ELMOD1: variants seen among roughly 807,000 people sequenced by gnomAD.
ELMOD1 encodes the protein ELMO domain-containing protein 1.
Under a neutral mutation model 46.7 loss-of-function variants are expected in ELMOD1, and 21 were observed. The observed-to-expected ratio is 0.45, with a 90% CI of 0.32 to 0.65. The LOEUF is 0.65. Ranked by LOEUF, ELMOD1 falls within the 30% of genes least tolerant of loss-of-function variation. ELMOD1 has a pLI of 0.04. For missense variants in ELMOD1, 348 were observed against 407.8 expected (o/e 0.85, Z 1.26); for synonymous variants, 122 against 138.2 (o/e 0.88, Z 0.82).
At position 107,599,740 on chromosome 11, in the gene ELMOD1, C is replaced by CAAAAAA. The variant is rs56992146; in HGVS notation, c.-86+8337_-86+8342dup. ...CAGGGCGACAGAGCGAGACCTGTCT[C>CAAAAAA]AAAAAAAAAAAGAAAAAAAGAAAAG... On this transcript the variant is annotated intron_variant, in intron 1 of 11. Coordinates refer to ENST00000265840, the MANE Select transcript of ELMOD1 (RefSeq NM_018712.4). 3.0e-4 allele frequency among the ~76,000 whole-genome samples: 27 copies of CAAAAAA among 91,212 alleles called. 1 individual carries two copies. The highest frequency in any genetic ancestry group is 7.1e-4 in the African/African-American group (16 of 22,390). The allele number at this position is 91,212 out of a possible 152,430, so 59.8% of individuals were successfully genotyped here.
chr11:107,613,313 T>C (rs746765979), intron 1 of ELMOD1, among the ~76,000 whole-genome samples: 15 of 152,196 alleles, frequency 9.9e-5, no homozygotes, highest in Non-Finnish European at 1.9e-4. Context: ...CTTAGAACAA[T>C]CCTACAAGCT....
rs561006670 is a variant in ELMOD1 at position 107,647,429 on chromosome 11, G to A, written c.421-39G>A. Reference sequence around the variant, plus strand: ...TACAAAATCTGAACCAATAGGAAAGGGTGTATCAACAGAGTAATCCTTTTT... The same window carrying A: ...TACAAAATCTGAACCAATAGGAAAGAGTGTATCAACAGAGTAATCCTTTTT... On this transcript the variant is annotated intron_variant, in intron 6 of 11. Coordinates refer to ENST00000265840, the MANE Select transcript of ELMOD1 (RefSeq NM_018712.4). The A allele has an allele frequency of 6.4e-4, 1,016 of 1,583,804 alleles. 23 individuals carry two copies. In the South Asian group the frequency reaches 0.011, roughly 18 times the overall value.
chr11:107,662,731 C>T (rs1866763976), intron 11 of ELMOD1, among the ~76,000 whole-genome samples: 1 of 151,734 alleles, frequency 6.6e-6, no homozygotes, highest in Admixed American at 6.6e-5. Flanking sequence ...TCAAGACCAA[C>T]CTGGCCAACA....
At chr11:107,658,492 G>T (rs1318752256) in intron 11 of ELMOD1, among the ~76,000 whole-genome samples, 1 of 152,096 alleles carries the variant, frequency 6.6e-6, no homozygotes, top group Admixed American at 6.5e-5. Flanking sequence ...CTATAGATTA[G>T]GTTCTATGCT....
At chr11:107,655,671 C>A (rs780708264) in intron 10 of ELMOD1, among the ~76,000 whole-genome samples, 11 of 147,064 alleles carry the variant, frequency 7.5e-5, no homozygotes, top group Non-Finnish European at 1.3e-4. Flanking sequence ...GCCCCAAGGG[C>A]TGCTGGTTGG....
chr11:107,599,715 C>T (rs1865557401), intron 1 of ELMOD1, among the ~76,000 whole-genome samples: 1 of 126,318 alleles, frequency 7.9e-6, no homozygotes, highest in African/African-American at 3.2e-5. Context: ...GCACTCCAGC[C>T]AGGGCGACAG....
At chr11:107,647,636 G>A in intron 7 of ELMOD1, 35 bp downstream of exon 7, 1 of 1,599,998 alleles carries the variant, frequency 6.3e-7, no homozygotes, top group East Asian at 2.3e-5. Context: ...GTGTTCGAGT[G>A]ATGTTTTGGT....
intron 1 of ELMOD1, among the ~76,000 whole-genome samples, chr11:107,595,418 A>T (rs1468006538): frequency 6.6e-6 from 1 of 152,100 alleles, no homozygotes; most frequent in Admixed American, 6.5e-5. Flanking sequence ...TATAATTCTG[A>T]TAGTATATGA....
chr11:107,612,573 G>A (rs1274585271), intron 1 of ELMOD1, among the ~76,000 whole-genome samples: 2 of 152,188 alleles, frequency 1.3e-5, no homozygotes, highest in African/African-American at 4.8e-5. Context: ...CTTGGGAAAT[G>A]CTGGTTTGGC....
chr11:107,654,250 T>C, intron 10 of ELMOD1, 28 bp downstream of exon 10: 12 of 1,572,394 alleles, frequency 7.6e-6, no homozygotes, highest in Non-Finnish European at 1.0e-5. Context: ...CATGGAAAGA[T>C]GGTCCGTCTG....
chr11:107,660,034 A>G (rs1025884887), intron 11 of ELMOD1, among the ~76,000 whole-genome samples: 11 of 152,120 alleles, frequency 7.2e-5, no homozygotes, highest in African/African-American at 1.7e-4. Context: ...CAATCCCCCT[A>G]TGGATTGTGG....
intron 2 of ELMOD1, among the ~76,000 whole-genome samples, chr11:107,627,702 A>G (rs1246875109): frequency 6.6e-6 from 1 of 152,060 alleles, no homozygotes; most frequent in Non-Finnish European, 1.5e-5. Flanking sequence ...GGTCACAGGG[A>G]AGACTTTTTG....
intron 6 of ELMOD1, among the ~76,000 whole-genome samples, 156 bp downstream of exon 6, chr11:107,635,921 T>A (rs1260936766): frequency 2.0e-5 from 3 of 152,214 alleles, no homozygotes; most frequent in Non-Finnish European, 4.4e-5. Context: ...TCTCGCTGGT[T>A]CAGGTGTTGG....
At chr11:107,605,873 G>A (rs1391546598) in intron 1 of ELMOD1, among the ~76,000 whole-genome samples, 1 of 152,248 alleles carries the variant, frequency 6.6e-6, no homozygotes, top group Non-Finnish European at 1.5e-5. Context: ...CATAGCCTGT[G>A]TGAAATGTAA....
intron 2 of ELMOD1, among the ~76,000 whole-genome samples, chr11:107,619,568 C>T (rs1303487242): frequency 6.6e-6 from 1 of 152,062 alleles, no homozygotes; most frequent in Non-Finnish European, 1.5e-5. Flanking sequence ...GTAAGGTTGC[C>T]AAGTCTTGTA....
chr11:107,612,345 G>A (rs915793930), intron 1 of ELMOD1, among the ~76,000 whole-genome samples: 1 of 152,152 alleles, frequency 6.6e-6, no homozygotes, highest in African/African-American at 2.4e-5. Flanking sequence ...ATAGACACTG[G>A]TGACTACTAG....
intron 2 of ELMOD1, chr11:107,625,651 G>C (rs769776823): frequency 1.2e-6 from 1 of 808,898 alleles, no homozygotes; most frequent in African/African-American, 1.9e-5. Flanking sequence ...AAGACCGGAG[G>C]TTGCTTTTGT....
intron 2 of ELMOD1, among the ~76,000 whole-genome samples, chr11:107,626,254 G>C (rs1866038779): frequency 6.6e-6 from 1 of 151,978 alleles, no homozygotes; most frequent in African/African-American, 2.4e-5. Flanking sequence ...CCTGAGCAGA[G>C]GGTTCAGAAG....
intron 2 of ELMOD1, chr11:107,623,640 T>G (rs1263635041): frequency 1.3e-5 from 2 of 152,186 alleles, no homozygotes; most frequent in Non-Finnish European, 2.9e-5. Flanking sequence ...GAACGTACTG[T>G]CTCTCTCTCC....
Sources: gnomAD v4.1 joint callset for allele counts (sites outside exome capture counted in the v4.1 genomes callset) on GRCh38, gnomAD v4.1.1 for gene constraint, MANE v1.5 for transcripts, NCBI Gene and HGNC (gene_info 2026-07-23, HGNC 2026-07-21) for gene names.